Variants in ST7 observed in about 807,000 individuals in gnomAD.
ST7 encodes the protein suppressor of tumorigenicity 7 protein.
ST7 carries 28 observed loss-of-function variants against 78.7 expected under a neutral mutation model. That is an observed-to-expected ratio of 0.36 (90% CI 0.26 to 0.49). ST7 has a LOEUF of 0.49. Ranked by LOEUF, ST7 falls within the 20% of genes least tolerant of loss-of-function variation. The pLI, the probability that ST7 is intolerant of heterozygous loss-of-function variation, is 0.99. For missense variants in ST7, 418 were observed against 696.0 expected (o/e 0.60, Z 4.49); for synonymous variants, 247 against 249.6 (o/e 0.99, Z 0.10).
chr7:117,121,209 C>T (rs1208881360), intron 3 of ST7, among the ~76,000 whole-genome samples: 1 of 152,190 alleles, frequency 6.6e-6, no homozygotes, highest in African/African-American at 2.4e-5. Flanking sequence ...ACTGAATGAT[C>T]AAGATTCCTC....
chr7:117,172,125 A>AT (rs1002545133), intron 10 of ST7, among the ~76,000 whole-genome samples: 5 of 151,670 alleles, frequency 3.3e-5, no homozygotes, highest in East Asian at 1.9e-4. Flanking sequence ...TAATTTTTAA[A>AT]TTTTTTTTGT....
chr7:117,033,848 A>G (rs12706138), intron 1 of ST7, among the ~76,000 whole-genome samples: 22,823 of 152,210 alleles, frequency 0.15, 2,187 homozygotes, highest in South Asian at 0.23. Flanking sequence ...GACCTTGAGT[A>G]GATTAACTTC....
intron 6 of ST7, among the ~76,000 whole-genome samples, chr7:117,133,611 A>G (rs1156311363): frequency 1.3e-5 from 2 of 151,138 alleles, no homozygotes; most frequent in Non-Finnish European, 3.0e-5. Flanking sequence ...GGGGACGGTG[A>G]TAGGGCCTTA....
At chr7:116,961,499 T>G (rs1340838956) in intron 1 of ST7, among the ~76,000 whole-genome samples, 2 of 151,898 alleles carry the variant, frequency 1.3e-5, no homozygotes, top group Non-Finnish European at 2.9e-5. Flanking sequence ...CTTTGAGCAG[T>G]GTTTTATAGT....
chr7:117,228,329 C>A (rs1285963894), intron 15 of ST7, among the ~76,000 whole-genome samples: 2 of 152,178 alleles, frequency 1.3e-5, no homozygotes, highest in African/African-American at 4.8e-5. Flanking sequence ...TCTTCGTGGC[C>A]CCCTCCATCA....
intron 10 of ST7, among the ~76,000 whole-genome samples, chr7:117,178,734 TATC>T (rs1183888309): frequency 6.6e-6 from 1 of 152,226 alleles, no homozygotes; most frequent in African/African-American, 2.4e-5. Context: ...TCAAAAAGGT[TATC>T]ATGGAAAACT....
chr7:117,212,758 A>G lies in ST7; in HGVS notation c.1405+2821A>G, dbSNP rs540844754. 1.7e-3 allele frequency among the ~76,000 whole-genome samples: 254 copies of G among 152,338 alleles called. 1 individual carries two copies. The highest frequency in any genetic ancestry group is 5.8e-3 in the African/African-American group (243 of 41,576). ...CAAGCATAAATATGCATATGTATAT[A>G]TACACATATGTATACACATATATTT... On this transcript the variant is annotated intron_variant, in intron 13 of 15. Coordinates refer to ENST00000323984, the MANE Select transcript of ST7 (RefSeq NM_001369598.1).
intron 2 of ST7, among the ~76,000 whole-genome samples, chr7:117,101,043 C>G (rs1425707945): frequency 6.6e-6 from 1 of 152,070 alleles, no homozygotes; most frequent in African/African-American, 2.4e-5. Context: ...GAAGCTTGAG[C>G]TTGTGAGGAG....
chr7:117,003,280 C>T (rs1431736057), intron 1 of ST7, among the ~76,000 whole-genome samples: 1 of 151,168 alleles, frequency 6.6e-6, no homozygotes, highest in Admixed American at 6.6e-5. Flanking sequence ...TATAGGTGTG[C>T]ACCACCATAC....
intron 2 of ST7, among the ~76,000 whole-genome samples, chr7:117,116,185 A>G (rs1208596387): frequency 6.6e-6 from 1 of 152,168 alleles, no homozygotes; most frequent in Non-Finnish European, 1.5e-5. Flanking sequence ...CATCAACAGG[A>G]AAAAAGCGCA....
chr7:117,132,876 A>G (rs777045517), intron 6 of ST7, among the ~76,000 whole-genome samples: 1 of 151,888 alleles, frequency 6.6e-6, no homozygotes, highest in Non-Finnish European at 1.5e-5. Flanking sequence ...GTGACATGAC[A>G]TAGAAACTAC....
chr7:117,179,760 G>A (rs1808609759), intron 10 of ST7, among the ~76,000 whole-genome samples: 1 of 152,126 alleles, frequency 6.6e-6, no homozygotes, highest in Non-Finnish European at 1.5e-5. Flanking sequence ...TATGGGCCCT[G>A]GAGAGGCCTG....
chr7:117,136,136 G>A lies in ST7; in HGVS notation c.766G>A (p.Ala256Thr), dbSNP rs1210549863. 1.2e-6 allele frequency: 2 copies of A among 1,613,560 alleles called. No homozygotes were observed. The highest frequency in any genetic ancestry group is 1.3e-5 in the African/African-American group (1 of 74,974). Reference protein sequence around the residue: ...AEEEATTIAEAEKLFKQALKA... With the variant: ...AEEEATTIAETEKLFKQALKA... ...AGAGGAAGCAACAACCATTGCTGAA[G>A]CAGAAAAATTATTTAAGCAGGCCCT... Residue 256 changes from alanine (A) to threonine (T), a missense_variant, in exon 8 of 16, where the codon GCA becomes ACA. By Grantham distance (58) the Ala-to-Thr change is moderately conservative. This residue lies in a region of ST7 where 288 missense variants were observed against 537.1 expected (regional missense o/e 0.54). Transcript: ENST00000323984.
chr7:116,988,963 C>A (rs1354151781), intron 1 of ST7, among the ~76,000 whole-genome samples: 1 of 152,120 alleles, frequency 6.6e-6, no homozygotes, highest in Non-Finnish European at 1.5e-5. Context: ...TTAGATACAA[C>A]CCTTGTCCAC....
At chr7:117,051,017 AAT>A (rs1797766664) in intron 1 of ST7, among the ~76,000 whole-genome samples, 1 of 152,068 alleles carries the variant, frequency 6.6e-6, no homozygotes, top group African/African-American at 2.4e-5. Context: ...TTTTTTTTCC[AAT>A]ATGTTTATTG....
chr7:117,112,076 A>G (rs1010523519), intron 2 of ST7, among the ~76,000 whole-genome samples: 2 of 151,878 alleles, frequency 1.3e-5, no homozygotes, highest in Non-Finnish European at 2.9e-5. Context: ...AGATATACAT[A>G]TATGTACATA....
chr7:116,987,254 G>A (rs1026876688), intron 1 of ST7, among the ~76,000 whole-genome samples: 2 of 152,190 alleles, frequency 1.3e-5, no homozygotes, highest in African/African-American at 4.8e-5. Context: ...AAAATGGGCT[G>A]GGTATTTTTC....
chr7:117,097,908 A>ATATATATTTTT, intron 1 of ST7, among the ~76,000 whole-genome samples: 3 of 30,010 alleles, frequency 1.0e-4, no homozygotes, highest in African/African-American at 4.8e-4. Flanking sequence ...ATATATATAT[A>ATATATATTTTT]TTTTTTTTTT....
At chr7:117,114,591 C>G (rs759847451) in intron 2 of ST7, among the ~76,000 whole-genome samples, 4 of 152,152 alleles carry the variant, frequency 2.6e-5, no homozygotes, top group Non-Finnish European at 4.4e-5. Flanking sequence ...AGCACTTAGC[C>G]AGTTTCAAGC....
Sources: gnomAD v4.1 joint callset for allele counts (sites outside exome capture counted in the v4.1 genomes callset) on GRCh38, gnomAD v4.1.1 for gene constraint, gnomAD v4.1.1 regional missense constraint, MANE v1.5 for transcripts, NCBI Gene and HGNC (gene_info 2026-07-23, HGNC 2026-07-21) for gene names.